The following BANF2 variants were observed in gnomAD, a reference collection of about 807,000 sequenced individuals.
The protein encoded by BANF2 is BANF family member 2.
In BANF2, 4 loss-of-function variants were observed where a neutral mutation model predicts 8.0. That is an observed-to-expected ratio of 0.50 (90% CI 0.25 to 1.14). BANF2 has a LOEUF of 1.14. BANF2 is among the 50% of genes most tolerant of loss of function. The probability of loss-of-function intolerance (pLI) is 0.16; values close to 1 mark genes in which losing one functional copy is unlikely to be tolerated. For missense variants in BANF2, 96 were observed against 107.5 expected (o/e 0.89, Z 0.47); for synonymous variants, 50 against 40.6 (o/e 1.23, Z -0.88).
At chr20:17,707,101 C>T (rs1307009062) in intron 1 of BANF2, among the ~76,000 whole-genome samples, 1 of 152,064 alleles carries the variant, frequency 6.6e-6, no homozygotes, top group Non-Finnish European at 1.5e-5. Flanking sequence ...ATGAAAATCC[C>T]AGCCGGGCGC....
intron 1 of BANF2, among the ~76,000 whole-genome samples, chr20:17,705,619 GT>G (rs1381806144): frequency 2.6e-5 from 4 of 152,362 alleles, no homozygotes; most frequent in African/African-American, 9.6e-5. Flanking sequence ...AAATAGGCTG[GT>G]GTACATTGTG....
At chr20:17,733,074 C>T (rs6044980) in intron 3 of BANF2, among the ~76,000 whole-genome samples, 27,989 of 152,138 alleles carry the variant, frequency 0.18, 3,053 homozygotes, top group East Asian at 0.47. Context: ...GGCTGCAAGA[C>T]GGGGCTTCCT....
chr20:17,695,708 T>G (rs1401125285), upstream of BANF2, among the ~76,000 whole-genome samples: 1 of 152,128 alleles, frequency 6.6e-6, no homozygotes, highest in Non-Finnish European at 1.5e-5. Context: ...GCTCTAAAAT[T>G]CACACATTAA....
intron 1 of BANF2, among the ~76,000 whole-genome samples, chr20:17,713,179 A>T (rs1395582100): frequency 2.6e-5 from 4 of 151,670 alleles, no homozygotes; most frequent in Non-Finnish European, 4.4e-5. Flanking sequence ...GGATCACTTG[A>T]CCCCGGAGTT....
chr20:17,730,401 C>T (rs1352155025), intron 3 of BANF2, among the ~76,000 whole-genome samples: 1 of 152,134 alleles, frequency 6.6e-6, no homozygotes, highest in Non-Finnish European at 1.5e-5. Flanking sequence ...GCTTCTCGCG[C>T]GGCTTCTCTT....
intron 1 of BANF2, among the ~76,000 whole-genome samples, chr20:17,709,129 G>A (rs1246813211): frequency 6.6e-6 from 1 of 152,220 alleles, no homozygotes; most frequent in East Asian, 1.9e-4. Context: ...CCCCTTTTCT[G>A]AAGCCAGAGC....
At chr20:17,699,570 T>C (rs751174995), upstream of BANF2, among the ~76,000 whole-genome samples, 2 of 152,202 alleles carry the variant, frequency 1.3e-5, no homozygotes, top group African/African-American at 2.4e-5. Flanking sequence ...TTCAAGTCCA[T>C]CACAGAAGAT....
At chr20:17,696,360 A>G (rs1218229412), upstream of BANF2, among the ~76,000 whole-genome samples, 1 of 152,160 alleles carries the variant, frequency 6.6e-6, no homozygotes, top group Non-Finnish European at 1.5e-5. Context: ...ATCCTAGCTT[A>G]TAGGGTAGGT....
chr20:17,714,215 G>GA (rs376247279), intron 1 of BANF2, among the ~76,000 whole-genome samples: 2 of 126,582 alleles, frequency 1.6e-5, no homozygotes, highest in African/African-American at 6.2e-5. Flanking sequence ...AAAAAAAAAA[G>GA]AAAGAAAGAA....
At chr20:17,722,108 G>A (rs2039076) in intron 1 of BANF2, among the ~76,000 whole-genome samples, 47,249 of 152,156 alleles carry the variant, frequency 0.31, 9,239 homozygotes, top group Admixed American at 0.49. Context: ...CAAAGGTGTC[G>A]TAAAGAATGT....
chr20:17,735,647 G>C lies in BANF2; in HGVS notation c.127-18G>C. 1 of 1,611,620 alleles carries C rather than the reference G, an allele frequency of 6.2e-7. No homozygotes were observed. The highest frequency in any genetic ancestry group is 8.5e-7 in the Non-Finnish European group (1 of 1,178,198). On this transcript the variant is annotated intron_variant, in intron 3 of 3. Coordinates refer to ENST00000246090, the MANE Select transcript of BANF2 (RefSeq NM_178477.5). The stretch of plus-strand genomic sequence containing the variant: ...GATAACCTTTCCTGCTTTCCTCCCT[G>C]TCTCATCCCCTCCCCAGGCCTACAT...
chr20:17,734,324 G>A (rs954772525), intron 3 of BANF2, among the ~76,000 whole-genome samples: 1 of 152,120 alleles, frequency 6.6e-6, no homozygotes, highest in Non-Finnish European at 1.5e-5. Flanking sequence ...ACAAGGTTTA[G>A]CATGTTTTAA....
intron 2 of BANF2, 61 bp from the exon 3 acceptor site, chr20:17,724,962 C>T: frequency 1.3e-6 from 2 of 1,519,620 alleles, no homozygotes; most frequent in South Asian, 1.2e-5. Flanking sequence ...CCCCAGTGTC[C>T]ATGCACACTG....
At chr20:17,698,905 C>T (rs897987924), upstream of BANF2, among the ~76,000 whole-genome samples, 1 of 152,240 alleles carries the variant, frequency 6.6e-6, no homozygotes, top group Non-Finnish European at 1.5e-5. Flanking sequence ...ATACTGCCAT[C>T]AGCTGGCAAT....
chr20:17,735,361 G>A (rs887362053), intron 3 of BANF2, among the ~76,000 whole-genome samples: 1 of 152,132 alleles, frequency 6.6e-6, no homozygotes, highest in African/African-American at 2.4e-5. Flanking sequence ...TTCAGAACCC[G>A]CATTTTAACA....
chr20:17,735,592 G>A (rs1401830208), intron 3 of BANF2, 73 bp from the exon 4 acceptor site: 1 of 1,508,400 alleles, frequency 6.6e-7, no homozygotes, highest in African/African-American at 1.4e-5. Context: ...CTGGTTGCTG[G>A]GAAGGAAGAG....
At chr20:17,735,566 G>T in intron 3 of BANF2, 99 bp from the exon 4 acceptor site, 5 of 1,389,606 alleles carry the variant, frequency 3.6e-6, no homozygotes, top group Non-Finnish European at 5.0e-6. Flanking sequence ...CCCCTCCTTT[G>T]ATTGTCACGT....
At chr20:17,722,686 A>G in intron 1 of BANF2, 30 bp from the exon 2 acceptor site, 1 of 973,624 alleles carries the variant, frequency 1.0e-6, no homozygotes, top group Non-Finnish European at 1.2e-6. Flanking sequence ...ACCCTGAACA[A>G]CCTCTCATGT....
At chr20:17,723,611 G>A (rs1762750240) in intron 2 of BANF2, among the ~76,000 whole-genome samples, 1 of 152,180 alleles carries the variant, frequency 6.6e-6, no homozygotes, top group Non-Finnish European at 1.5e-5. Flanking sequence ...TTTGTACCAG[G>A]AAGGGGATGC....
Sources: allele counts gnomAD v4.1 joint callset (sites outside exome capture counted in the v4.1 genomes callset), GRCh38; gene constraint gnomAD v4.1.1; transcripts MANE v1.5; gene names NCBI Gene and HGNC (gene_info 2026-07-23, HGNC 2026-07-21).